Variants in GTF2IRD1 observed in about 807,000 individuals in gnomAD.
GTF2IRD1 encodes general transcription factor II-I repeat domain-containing protein 1.
In GTF2IRD1, 26 loss-of-function variants were observed where a neutral mutation model predicts 113.2. That is an observed-to-expected ratio of 0.23 (90% CI 0.17 to 0.32). The LOEUF (loss-of-function observed/expected upper bound fraction) is 0.32. Among genes scored for constraint, GTF2IRD1 ranks in the 10% least tolerant of loss-of-function variants. The probability of loss-of-function intolerance (pLI) is 1.00; values close to 1 mark genes in which losing one functional copy is unlikely to be tolerated. For missense variants in GTF2IRD1, 864 were observed against 1,280.8 expected, an observed-to-expected ratio of 0.67 and a Z score of 4.97; for synonymous variants, 484 against 529.1, an observed-to-expected ratio of 0.91 and a Z score of 1.17.
intron 1 of GTF2IRD1, among the ~76,000 whole-genome samples, chr7:74,502,933 G>A (rs952725453): frequency 6.6e-6 from 1 of 152,108 alleles, no homozygotes; most frequent in Non-Finnish European, 1.5e-5. Context: ...CTGGGAGGCC[G>A]AGGCGGGCGG....
chr7:74,545,386 C>T (rs1168004894), intron 15 of GTF2IRD1, among the ~76,000 whole-genome samples: 1 of 152,086 alleles, frequency 6.6e-6, no homozygotes, highest in African/African-American at 2.4e-5. Flanking sequence ...CCGCTGCCAC[C>T]TGGTGGCAGC....
intron 5 of GTF2IRD1, among the ~76,000 whole-genome samples, chr7:74,519,154 G>A (rs1272259237): frequency 2.0e-5 from 3 of 152,224 alleles, no homozygotes; most frequent in Non-Finnish European, 4.4e-5. Context: ...CGCACCTGGC[G>A]GGATCTGAAC....
Position 74,519,457 on chromosome 7 carries a change from C to T in GTF2IRD1, c.654C>T (p.Asn218=), listed in dbSNP as rs144286165. 101 of 1,578,222 alleles carry T rather than the reference C, an allele frequency of 6.4e-5. No homozygotes were observed. In the African/African-American group the frequency reaches 1.1e-3, roughly 18 times the overall value. The change falls in exon 6 of 27, where the codon AAC becomes AAT. Residue 218 remains asparagine (N), a synonymous_variant. Transcript: ENST00000424337. ...ACTCGAAGGCCCTGGTGGAGCTGAACGGTGTCTCCCTGATTCCCAAGGGGT... is the reference window on the plus strand; with the variant it reads ...ACTCGAAGGCCCTGGTGGAGCTGAATGGTGTCTCCCTGATTCCCAAGGGGT... ...GRDSKALVEL[N]GVSLIPKGSR...
intron 24 of GTF2IRD1, among the ~76,000 whole-genome samples, chr7:74,591,374 C>CTTTTTTT (rs782483943): frequency 1.7e-5 from 2 of 118,050 alleles, no homozygotes; most frequent in Non-Finnish European, 3.5e-5. Context: ...CAGTGATTCT[C>CTTTTTTT]TTTTTTTTTT....
At chr7:74,572,365 T>C (rs1392106820) in intron 22 of GTF2IRD1, among the ~76,000 whole-genome samples, 3 of 152,216 alleles carry the variant, frequency 2.0e-5, no homozygotes, top group African/African-American at 7.2e-5. Flanking sequence ...TCTCTGATCT[T>C]GGATAAGTTA....
rs1231643054 is a variant in GTF2IRD1, at chr7:74,602,448, T to C, written c.*15T>C. On this transcript the variant is annotated 3_prime_UTR_variant, in exon 27 of 27. Transcript: ENST00000424337. ...TTAATTACTAGACCTCAGTACTGAA[T>C]CAGGACCTCACTCAGAAAGACTAAA... 8.1e-6 allele frequency: 13 copies of C among 1,604,692 alleles called. No homozygotes were observed. Among genetic ancestry groups the C allele is most frequent in the Admixed American group, 1.7e-5 (1 of 59,730 alleles).
intron 22 of GTF2IRD1, among the ~76,000 whole-genome samples, chr7:74,563,114 CAG>C (rs1800080098): frequency 6.6e-6 from 1 of 151,898 alleles, no homozygotes; most frequent in Non-Finnish European, 1.5e-5. Flanking sequence ...TTCCACACCG[CAG>C]AGAGACTGAG....
intron 22 of GTF2IRD1, among the ~76,000 whole-genome samples, chr7:74,577,531 C>T (rs1338115754): frequency 2.0e-5 from 3 of 152,310 alleles, no homozygotes; most frequent in African/African-American, 7.2e-5. Flanking sequence ...ATAGCATCAT[C>T]GTACTTATAC....
intron 2 of GTF2IRD1, among the ~76,000 whole-genome samples, chr7:74,509,867 G>A (rs555109375): frequency 3.9e-5 from 6 of 152,000 alleles, no homozygotes; most frequent in Non-Finnish European, 7.4e-5. Flanking sequence ...AGTAGAGACC[G>A]GGTTTCACCA....
intron 17 of GTF2IRD1, among the ~76,000 whole-genome samples, chr7:74,549,063 GCAGAT>G (rs1799133817): frequency 6.6e-6 from 1 of 152,086 alleles, no homozygotes; most frequent in African/African-American, 2.4e-5. Context: ...GCCAAGGTAG[GCAGAT>G]CACTTGAGGT....
intron 6 of GTF2IRD1, among the ~76,000 whole-genome samples, 176 bp from the exon 7 acceptor site, chr7:74,521,021 TGGTGCAGAATG>T (rs750078473): frequency 5.3e-5 from 8 of 152,052 alleles, no homozygotes; most frequent in Admixed American, 4.6e-4. Flanking sequence ...TAGCAGATTC[TGGTGCAGAATG>T]TCTTAGACCT....
intron 1 of GTF2IRD1, among the ~76,000 whole-genome samples, chr7:74,478,994 G>A (rs1794583831): frequency 6.6e-6 from 1 of 151,870 alleles, no homozygotes. Context: ...GAAACCTGGT[G>A]GTCATTCCAG....
intron 8 of GTF2IRD1, among the ~76,000 whole-genome samples, chr7:74,526,332 G>A (rs1797593610): frequency 6.6e-6 from 1 of 152,198 alleles, no homozygotes; most frequent in African/African-American, 2.4e-5. Flanking sequence ...TGGGGGAGAA[G>A]GCAGCTGCCC....
Position 74,461,035 on chromosome 7 carries a change from G to A in GTF2IRD1, c.-7+6859G>A, listed in dbSNP as rs112581749. Among the ~76,000 whole-genome samples, 1,419 of 152,324 alleles carry A rather than the reference G, an allele frequency of 9.3e-3. 19 individuals are homozygous for A. Among genetic ancestry groups the A allele is most frequent in the African/African-American group, 0.031 (1,300 of 41,572 alleles). On this transcript the variant is annotated intron_variant, in intron 1 of 26. Coordinates refer to ENST00000424337, the MANE Select transcript of GTF2IRD1 (RefSeq NM_005685.4). ...TCCACGTCCACCTTCCGCCCGCCTG[G>A]GCAGTTTTCTTGGATGTAAAAGGGA... is the stretch of plus-strand genomic sequence containing the variant.
At chr7:74,482,988 G>T (rs1794828565) in intron 1 of GTF2IRD1, among the ~76,000 whole-genome samples, 1 of 152,190 alleles carries the variant, frequency 6.6e-6, no homozygotes, top group African/African-American at 2.4e-5. Context: ...TTCCCTAAAG[G>T]ATGTTTTGTG....
At chr7:74,543,894 A>AAAC (rs1562854719) in intron 14 of GTF2IRD1, among the ~76,000 whole-genome samples, 1 of 151,326 alleles carries the variant, frequency 6.6e-6, no homozygotes, top group Non-Finnish European at 1.5e-5. Context: ...AAAAAAAAAA[A>AAAC]AACAATTAGC....
intron 5 of GTF2IRD1, among the ~76,000 whole-genome samples, chr7:74,518,998 T>C (rs1425988041): frequency 1.3e-5 from 2 of 152,122 alleles, no homozygotes; most frequent in African/African-American, 4.8e-5. Context: ...ATTAGGTTGT[T>C]GAGGCTGGTC....
chr7:74,494,785 T>A (rs547345626), intron 1 of GTF2IRD1, among the ~76,000 whole-genome samples: 12 of 151,744 alleles, frequency 7.9e-5, no homozygotes, highest in Non-Finnish European at 1.8e-4. Flanking sequence ...GGGTTCTCAC[T>A]CTGTCACTCA....
chr7:74,538,683 C>T lies in GTF2IRD1; in HGVS notation c.1451C>T (p.Thr484Ile), dbSNP rs1187909187. The change falls in exon 13 of 27, where the codon ACC becomes ATC. Residue 484 changes from threonine to isoleucine, a missense_variant. Thr to Ile is a moderately conservative substitution (Grantham distance 89). This residue lies in a region of GTF2IRD1 where 218 missense variants were observed against 352.6 expected (regional missense o/e 0.62). Coordinates refer to ENST00000424337, the MANE Select transcript of GTF2IRD1 (RefSeq NM_005685.4). ...GSMSEDCGPG[T>I]SGELGGLRPI... ...ATTCTTCCTTTCCTCCTTGCAGGAA[C>T]CTCCGGGGAGCTGGGCGGGCTGAGG... 5 of 1,584,340 alleles carry T rather than the reference C, an allele frequency of 3.2e-6. No individual in the cohort carries two copies. The highest frequency in any genetic ancestry group is 1.3e-5 in the African/African-American group (1 of 74,312).
Sources: gnomAD v4.1 joint callset for allele counts (sites outside exome capture counted in the v4.1 genomes callset) on GRCh38, gnomAD v4.1.1 for gene constraint, gnomAD v4.1.1 regional missense constraint, MANE v1.5 for transcripts, NCBI Gene and HGNC (gene_info 2026-07-23, HGNC 2026-07-21) for gene names.